NR5A2: variants seen among roughly 807,000 people sequenced by gnomAD.
The protein encoded by NR5A2 is CYP7A promoter-binding factor.
A neutral mutation model predicts 62.7 loss-of-function variants in NR5A2; 26 were observed. The observed-to-expected ratio is 0.41, with a 90% CI of 0.30 to 0.58. NR5A2 has a LOEUF of 0.58. Among genes scored for constraint, NR5A2 ranks in the 20% least tolerant of loss-of-function variants. The pLI is 0.22. For missense variants in NR5A2, 541 were observed against 669.1 expected (o/e 0.81, Z 2.11); for synonymous variants, 246 against 241.7 (o/e 1.02, Z -0.16).
intron 7 of NR5A2, among the ~76,000 whole-genome samples, chr1:200,134,812 A>G (rs1340088460): frequency 6.6e-6 from 1 of 152,164 alleles, no homozygotes; most frequent in Non-Finnish European, 1.5e-5. Flanking sequence ...GAGATTTACC[A>G]TTTTAACAAT....
rs555263792 is a variant in NR5A2 at position 200,049,944 on chromosome 1, A to C, written c.1110+1126A>C. ...GTCTACATTAAGCACTGTTCTTTGT[A>C]CATGGAAGCAAAAAAGTTACCTGAA... On this transcript the variant is annotated intron_variant, in intron 5 of 7. Transcript: ENST00000367362. Among the ~76,000 whole-genome samples the C allele has an allele frequency of 1.1e-4, 16 of 152,372 alleles. No homozygotes were observed. The South Asian group carries it at 3.3e-3, about 32-fold the overall frequency.
Position 200,175,815 on chromosome 1 carries a change from C to T in NR5A2, c.*1605C>T, listed in dbSNP as rs189212492. ...TAGACTTTAATTTTTTTGAGATTATCGGCGGCACAATCACTTTGTAGAAAC... is the reference window on the plus strand; with the variant it reads ...TAGACTTTAATTTTTTTGAGATTATTGGCGGCACAATCACTTTGTAGAAAC... On this transcript the variant is annotated 3_prime_UTR_variant, in exon 8 of 8. Coordinates refer to ENST00000367362, the MANE Select transcript of NR5A2 (RefSeq NM_205860.3). 2 of 152,458 alleles carry T rather than the reference C, an allele frequency of 1.3e-5. No homozygotes were observed. The highest frequency in any genetic ancestry group is 2.4e-5 in the African/African-American group (1 of 41,416). 9.4% of individuals were successfully genotyped at this position (152,458 alleles called of 1,614,324 possible). A position where few individuals can be genotyped will look rare whatever the true frequency, so the allele number is the denominator to read the frequency against.
chr1:200,053,569 G>GCACACA (rs34611924), intron 5 of NR5A2, among the ~76,000 whole-genome samples: 6,338 of 141,986 alleles, frequency 0.045, 196 homozygotes, highest in South Asian at 0.13. Flanking sequence ...GCATGCACAC[G>GCACACA]CACACACACA....
intron 7 of NR5A2, among the ~76,000 whole-genome samples, chr1:200,135,634 C>A (rs12033023): frequency 6.6e-6 from 1 of 152,134 alleles, no homozygotes; most frequent in Admixed American, 6.5e-5. Flanking sequence ...GTGATGACTG[C>A]AAACTTGAAT....
intron 5 of NR5A2, among the ~76,000 whole-genome samples, chr1:200,069,993 G>T (rs1221616700): frequency 6.6e-6 from 1 of 152,046 alleles, no homozygotes; most frequent in Non-Finnish European, 1.5e-5. Context: ...CATAAATTTG[G>T]AAGGCTAAGG....
chr1:200,084,034 G>C (rs1664417481), intron 5 of NR5A2, among the ~76,000 whole-genome samples: 1 of 151,180 alleles, frequency 6.6e-6, no homozygotes, highest in Non-Finnish European at 1.5e-5. Flanking sequence ...CCATAGGGTA[G>C]GTCAGATATT....
In NR5A2 at chr1:200,091,588, G is replaced by A. The variant is rs563981854; in HGVS notation, c.1111-19614G>A. Among the ~76,000 whole-genome samples, 7 of 150,974 alleles carry A rather than the reference G, an allele frequency of 4.6e-5. No individual in the cohort carries two copies. In the South Asian group the frequency reaches 6.3e-4, roughly 14 times the overall value. On this transcript the variant is annotated intron_variant, in intron 5 of 7. Transcript: ENST00000367362. ...CAACCTCTACCTCCCAGGTTCAAGC[G>A]ATTCTCCTGCCTCAGCCTCCTGAGT...
At chr1:200,047,989 G>T (rs1014503495) in intron 4 of NR5A2, among the ~76,000 whole-genome samples, 183 bp from the exon 5 acceptor site, 1 of 152,104 alleles carries the variant, frequency 6.6e-6, no homozygotes, top group African/African-American at 2.4e-5. Context: ...CACACACTTG[G>T]AGGAAGGAAT....
At chr1:200,128,217 T>C (rs1571524176) in intron 7 of NR5A2, among the ~76,000 whole-genome samples, 1 of 152,210 alleles carries the variant, frequency 6.6e-6, no homozygotes, top group African/African-American at 2.4e-5. Context: ...TACAGGCAGG[T>C]TTCGTATCTG....
chr1:200,166,245 G>A (rs1653894916), intron 7 of NR5A2, among the ~76,000 whole-genome samples: 1 of 152,088 alleles, frequency 6.6e-6, no homozygotes. Flanking sequence ...GTCAAAAGTG[G>A]AGAAATTCTT....
chr1:200,076,129 A>G (rs570521221), intron 5 of NR5A2, among the ~76,000 whole-genome samples: 15 of 152,322 alleles, frequency 9.8e-5, no homozygotes, highest in East Asian at 7.7e-4. Context: ...CTTCAGAAGT[A>G]GTCTTCCGCA....
intron 5 of NR5A2, among the ~76,000 whole-genome samples, chr1:200,064,261 T>C (rs1354975021): frequency 6.6e-6 from 1 of 152,066 alleles, no homozygotes; most frequent in African/African-American, 2.4e-5. Flanking sequence ...CTAAACACAA[T>C]GGCAAACTCT....
chr1:200,103,037 TTCC>T (rs1300945760), intron 5 of NR5A2, among the ~76,000 whole-genome samples: 1 of 152,180 alleles, frequency 6.6e-6, no homozygotes, highest in Non-Finnish European at 1.5e-5. Context: ...CTACCTCAGT[TTCC>T]TCATTGGTAA....
chr1:200,092,748 G>A (rs1664875853), intron 5 of NR5A2, among the ~76,000 whole-genome samples: 1 of 151,816 alleles, frequency 6.6e-6, no homozygotes, highest in Admixed American at 6.6e-5. Context: ...TTCTACCATG[G>A]GTTTATTCTT....
At chr1:200,115,322 C>T (rs987924490) in intron 6 of NR5A2, among the ~76,000 whole-genome samples, 4 of 152,180 alleles carry the variant, frequency 2.6e-5, no homozygotes, top group South Asian at 2.1e-4. Context: ...TAAAATAACT[C>T]GCCTGCCCCA....
At chr1:200,161,815 A>G (rs1193468919) in intron 7 of NR5A2, among the ~76,000 whole-genome samples, 1 of 152,234 alleles carries the variant, frequency 6.6e-6, no homozygotes, top group Non-Finnish European at 1.5e-5. Context: ...TAATTTGCAT[A>G]TGCTTTGTAT....
At position 200,168,484 on chromosome 1, in the gene NR5A2, CA is replaced by C. The variant is rs77124108; in HGVS notation, c.1379-5477del. On this transcript the variant is annotated intron_variant, in intron 7 of 7. Coordinates refer to ENST00000367362, the MANE Select transcript of NR5A2 (RefSeq NM_205860.3). The stretch of plus-strand genomic sequence containing the variant: ...CTCCATTTTTGTAGACAGCTCCTGC[CA>C]AGGGCAGCATTTTCTTATTATTAAT... Among the ~76,000 whole-genome samples the C allele has an allele frequency of 3.9e-5, 6 of 152,160 alleles. No homozygotes were observed. The East Asian group carries it at 9.6e-4, about 24-fold the overall frequency.
At chr1:200,054,175 G>A (rs1008599664) in intron 5 of NR5A2, 1 of 152,204 alleles carries the variant, frequency 6.6e-6, no homozygotes, top group African/African-American at 2.4e-5. Context: ...AGAGAACACA[G>A]GATGGTAACC....
At chr1:200,149,215 C>G (rs555174163) in intron 7 of NR5A2, among the ~76,000 whole-genome samples, 2 of 152,210 alleles carry the variant, frequency 1.3e-5, no homozygotes, top group Non-Finnish European at 2.9e-5. Context: ...CCCGGCCACA[C>G]GCAGTACACT....
Sources: gnomAD v4.1 joint callset for allele counts (sites outside exome capture counted in the v4.1 genomes callset) on GRCh38, gnomAD v4.1.1 for gene constraint, MANE v1.5 for transcripts, NCBI Gene and HGNC (gene_info 2026-07-23, HGNC 2026-07-21) for gene names.